STKLD1: variants seen among roughly 807,000 people sequenced by gnomAD.
STKLD1 encodes serine/threonine kinase-like domain-containing protein STKLD1.
Under a neutral mutation model 80.4 loss-of-function variants are expected in STKLD1, and 79 were observed. That is an observed-to-expected ratio of 0.98 (90% CI 0.82 to 1.19). STKLD1 has a LOEUF of 1.19. Ranked by LOEUF, STKLD1 falls within the 50% of genes most tolerant of loss-of-function variation. The pLI, the probability that STKLD1 is intolerant of heterozygous loss-of-function variation, is 0.00. For missense variants in STKLD1, 841 were observed against 856.0 expected, an observed-to-expected ratio of 0.98 and a Z score of 0.22; for synonymous variants, 393 against 357.6, an observed-to-expected ratio of 1.10 and a Z score of -1.12.
intron 4 of STKLD1, 52 bp from the exon 5 acceptor site, chr9:133,387,395 A>G: frequency 6.7e-7 from 1 of 1,492,662 alleles, no homozygotes; most frequent in Middle Eastern, 1.9e-4. Flanking sequence ...GTGAGCCTGC[A>G]GAAGCACCGG....
At chr9:133,377,222 TAAA>T (rs34210798) in intron 1 of STKLD1, among the ~76,000 whole-genome samples, 1 of 150,840 alleles carries the variant, frequency 6.6e-6, no homozygotes, top group Non-Finnish European at 1.5e-5. Context: ...TTTTTCAGAT[TAAA>T]AAAAAATAGA....
intron 17 of STKLD1, 94 bp downstream of exon 17, chr9:133,405,023 G>C (rs1838813419): frequency 6.5e-7 from 1 of 1,529,768 alleles, no homozygotes. Flanking sequence ...CACATGGAAG[G>C]TGGGCTCAAC....
chr9:133,403,755 G>A lies in STKLD1; in HGVS notation c.1530G>A (p.Val510=). Residue 510 remains valine (V), a synonymous_variant, in exon 15 of 18, where the codon GTG becomes GTA. Transcript: ENST00000371957. ...LEKVPDLISQ[V]LATYPADGEM... ...AGGTCCCGGACCTCATCAGCCAGGTGTTGGCCACCTACCCTGCGGATGGGG... is the reference window on the plus strand; with the variant it reads ...AGGTCCCGGACCTCATCAGCCAGGTATTGGCCACCTACCCTGCGGATGGGG... 4 of 1,613,846 alleles carry A rather than the reference G, an allele frequency of 2.5e-6. No individual in the cohort carries two copies. The highest frequency in any genetic ancestry group is 3.4e-6 in the Non-Finnish European group (4 of 1,179,976).
chr9:133,402,741 T>G, intron 13 of STKLD1, 137 bp from the exon 14 acceptor site: 18 of 913,118 alleles, frequency 2.0e-5, no homozygotes, highest in Non-Finnish European at 2.9e-5. Context: ...CAGGGCTCCA[T>G]TGAGTGCACA....
chr9:133,389,709 G>C lies in STKLD1; in HGVS notation c.467+113G>C, dbSNP rs2130284944. 15 of 1,509,242 alleles carry C rather than the reference G, an allele frequency of 9.9e-6. No homozygotes were observed. In the African/African-American group the frequency reaches 2.1e-4, roughly 21 times the overall value. 93.5% of individuals were successfully genotyped at this position (1,509,242 alleles called of 1,614,324 possible). On this transcript the variant is annotated intron_variant, in intron 6 of 17. Transcript: ENST00000371957. This position sits in a 1 kb window ranked among gnomAD's most constrained non-coding sequence, Gnocchi z 6.4. ...AGGATCTGGGGAGAAAGGTGCACCG[G>C]GCCAGTGCAGCCAGGATAGGATGGG... is the stretch of plus-strand genomic sequence containing the variant.
chr9:133,401,373 T>C (rs587732985), intron 12 of STKLD1, among the ~76,000 whole-genome samples: 2 of 152,218 alleles, frequency 1.3e-5, no homozygotes, highest in Admixed American at 1.3e-4. Context: ...CCTGACATCG[T>C]GATCCACCCG....
In STKLD1 at chr9:133,394,654, C is replaced by A. The variant is rs41316992; in HGVS notation, c.702+245C>A. The A allele has an allele frequency of 6.7e-3, 3,345 of 499,366 alleles. 44 individuals carry two copies. Among genetic ancestry groups the A allele is most frequent in the African/African-American group, 0.036 (1,884 of 52,324 alleles). 30.9% of individuals were successfully genotyped at this position (499,366 alleles called of 1,614,324 possible). A position where few individuals can be genotyped will look rare whatever the true frequency, so the allele number is the denominator to read the frequency against. Reference sequence around the variant, plus strand: ...TAATATTCAGACCATCCCACGCGACCCTCGCAGCAGCCCTCCAGGTGGTGT... The same window carrying A: ...TAATATTCAGACCATCCCACGCGACACTCGCAGCAGCCCTCCAGGTGGTGT... On this transcript the variant is annotated intron_variant, in intron 8 of 17. Coordinates refer to ENST00000371957, the MANE Select transcript of STKLD1 (RefSeq NM_153710.5). This position sits in a 1 kb window ranked among gnomAD's most constrained non-coding sequence, Gnocchi z 4.9.
In STKLD1 at chr9:133,401,779, G is replaced by A; in HGVS notation, c.1240G>A (p.Ala414Thr). The change falls in exon 13 of 18, where the codon GCC becomes ACC. Residue 414 changes from alanine (A) to threonine (T), a missense_variant. Transcript: ENST00000371957. ...HPEAKAPCNQ[A>T]ITSTLLSALQ... Reference sequence around the variant, plus strand: ...GGAAGCCAAGGCTCCCTGCAACCAAGCCATCACCTCCACCCTGCTGAGTGC... The same window carrying A: ...GGAAGCCAAGGCTCCCTGCAACCAAACCATCACCTCCACCCTGCTGAGTGC... The A allele has an allele frequency of 1.9e-6, 3 of 1,613,554 alleles. No homozygotes were observed. Among genetic ancestry groups the A allele is most frequent in the Non-Finnish European group, 2.5e-6 (3 of 1,179,988 alleles).
chr9:133,395,856 G>A lies in STKLD1; in HGVS notation c.866+93G>A, dbSNP rs374745114. 10 of 1,304,804 alleles carry A rather than the reference G, an allele frequency of 7.7e-6. No homozygotes were observed. In the African/African-American group the frequency reaches 1.0e-4, roughly 13 times the overall value. The allele number at this position is 1,304,804 out of a possible 1,614,324, so 80.8% of individuals were successfully genotyped here. On this transcript the variant is annotated intron_variant, in intron 9 of 17. Transcript: ENST00000371957. ...AAGCACAGCTAGTTGGCTTTGTAACGCCTCAAAGAACTCCATCACAGATGC... is the reference window on the plus strand; with the variant it reads ...AAGCACAGCTAGTTGGCTTTGTAACACCTCAAAGAACTCCATCACAGATGC...
rs587632332 is a variant in STKLD1, at chr9:133,401,389, G to A, written c.1199-349G>A. On this transcript the variant is annotated intron_variant, in intron 12 of 17. Transcript: ENST00000371957. The stretch of plus-strand genomic sequence containing the variant: ...CTGACATCGTGATCCACCCGCCTCA[G>A]CCTCCCAAAGTGCTGGGATTATAGG... Among the ~76,000 whole-genome samples the A allele has an allele frequency of 5.9e-5, 9 of 152,258 alleles. No homozygotes were observed. The South Asian group carries it at 1.9e-3, about 32-fold the overall frequency.
At chr9:133,402,774 C>T (rs782653107) in intron 13 of STKLD1, 104 bp from the exon 14 acceptor site, 83 of 1,337,110 alleles carry the variant, frequency 6.2e-5, no homozygotes, top group Non-Finnish European at 8.0e-5. Context: ...GAGCAGGCAC[C>T]TAGGATTGCA....
At chr9:133,400,351 C>A in intron 11 of STKLD1, 62 bp from the exon 12 acceptor site, 3 of 1,262,816 alleles carry the variant, frequency 2.4e-6, no homozygotes, top group South Asian at 1.2e-5. Flanking sequence ...GGGCCCTGGT[C>A]GGGTCTATAT....
At chr9:133,397,036 A>C (rs1339193905) in intron 9 of STKLD1, 128 bp from the exon 10 acceptor site, 31 of 1,375,356 alleles carry the variant, frequency 2.3e-5, no homozygotes, top group Non-Finnish European at 2.7e-5. Flanking sequence ...ATGAATCCCA[A>C]AACAGGGAGT....
Position 133,398,025 on chromosome 9 carries a change from A to C in STKLD1, c.1051A>C (p.Arg351=). 6.2e-7 allele frequency: 1 copy of C among 1,613,642 alleles called. No homozygotes were observed. The highest frequency in any genetic ancestry group is 1.7e-5 in the Admixed American group (1 of 59,992). The change falls in exon 11 of 18, where the codon AGG becomes CGG. Residue 351 remains arginine, a synonymous_variant. Transcript: ENST00000371957. ...CGAAGTCCAGCTCAGGGCCATGAAGAGGCTTCTGAAAATGCCTGCAGATCA... is the reference window on the plus strand; with the variant it reads ...CGAAGTCCAGCTCAGGGCCATGAAGCGGCTTCTGAAAATGCCTGCAGATCA... ...WPEVQLRAMK[R]LLKMPADQLG...
intron 9 of STKLD1, 50 bp downstream of exon 9, chr9:133,395,813 A>G: frequency 6.3e-7 from 1 of 1,581,500 alleles, no homozygotes; most frequent in Non-Finnish European, 8.6e-7. Context: ...ATCTTTCAAC[A>G]TCTCTCCACC....
Position 133,405,722 on chromosome 9 carries a change from G to T in STKLD1, c.*301G>T. The T allele has an allele frequency of 7.7e-6, 2 of 261,312 alleles. No individual in the cohort carries two copies. The highest frequency in any genetic ancestry group is 1.5e-5 in the Non-Finnish European group (2 of 136,534). The allele number at this position is 261,312 out of a possible 1,614,324, so 16.2% of individuals were successfully genotyped here. ...GCAGCCACCTCTCCCAGCCCACTGG[G>T]TGGGGAAGCAGCTCAGCCCTGATGC... On this transcript the variant is annotated 3_prime_UTR_variant, in exon 18 of 18. Coordinates refer to ENST00000371957, the MANE Select transcript of STKLD1 (RefSeq NM_153710.5).
At chr9:133,397,328 T>A in intron 10 of STKLD1, 34 bp downstream of exon 10, 5 of 1,609,580 alleles carry the variant, frequency 3.1e-6, no homozygotes, top group Non-Finnish European at 4.2e-6. Flanking sequence ...GAGCGTGCCC[T>A]GAAGCTCCTG....
Position 133,404,056 on chromosome 9 carries a change from T to C in STKLD1, c.1732+8T>C, listed in dbSNP as rs1838778004. 3.1e-6 allele frequency: 5 copies of C among 1,590,312 alleles called. No individual in the cohort carries two copies. The African/African-American group carries it at 5.4e-5, about 17-fold the overall frequency. ...GCCTGGTGAAGGTGTCAGGTGAGCC[T>C]GGGGACAGGACGAGGCTGCCACCTA... On this transcript the variant is annotated splice_region_variant and intron_variant, in intron 16 of 17. Coordinates refer to ENST00000371957, the MANE Select transcript of STKLD1 (RefSeq NM_153710.5).
Position 133,398,201 on chromosome 9 carries a change from G to T in STKLD1, c.1081+146G>T, listed in dbSNP as rs181352871. ...GCGTGGAGGCGTGCATGTGTCCCCAGAAGAGTCCCGTGTCTCTGCTATCTG... is the reference window on the plus strand; with the variant it reads ...GCGTGGAGGCGTGCATGTGTCCCCATAAGAGTCCCGTGTCTCTGCTATCTG... On this transcript the variant is annotated intron_variant, in intron 11 of 17. Coordinates refer to ENST00000371957, the MANE Select transcript of STKLD1 (RefSeq NM_153710.5). The T allele has an allele frequency of 7.4e-4, 486 of 658,370 alleles. 3 individuals are homozygous for T. In the African/African-American group the frequency reaches 7.6e-3, roughly 10 times the overall value. 40.8% of individuals were successfully genotyped at this position (658,370 alleles called of 1,614,324 possible).
Sources: gnomAD v4.1 joint callset for allele counts (sites outside exome capture counted in the v4.1 genomes callset) on GRCh38, gnomAD v4.1.1 for gene constraint, Gnocchi (gnomAD v3.1) non-coding constraint, MANE v1.5 for transcripts, NCBI Gene and HGNC (gene_info 2026-07-23, HGNC 2026-07-21) for gene names.